The following SEZ6L variants were observed in gnomAD, a reference collection of about 807,000 sequenced individuals.
SEZ6L encodes seizure 6-like protein.
In SEZ6L, 37 loss-of-function variants were observed where a neutral mutation model predicts 106.2. That is an observed-to-expected ratio of 0.35 (90% CI 0.27 to 0.46). The LOEUF (loss-of-function observed/expected upper bound fraction) is 0.46. Ranked by LOEUF, SEZ6L falls within the 20% of genes least tolerant of loss-of-function variation. SEZ6L has a pLI of 1.00. For missense variants in SEZ6L, 1,172 were observed against 1,332.8 expected (o/e 0.88, Z 1.88); for synonymous variants, 541 against 570.4 (o/e 0.95, Z 0.73).
At chr22:26,292,152 G>A (rs910137103) in intron 1 of SEZ6L, 28 of 421,228 alleles carry the variant, frequency 6.6e-5, no homozygotes, top group Admixed American at 1.2e-4. Flanking sequence ...AAGAAAGGAA[G>A]GAAGGAAGGA....
At chr22:26,240,245 T>G (rs1292216639) in intron 1 of SEZ6L, among the ~76,000 whole-genome samples, 1 of 152,032 alleles carries the variant, frequency 6.6e-6, no homozygotes, top group Non-Finnish European at 1.5e-5. Context: ...TGTGTTTGAC[T>G]TTTTTTCAAA....
At chr22:26,319,679 C>G (rs1017601520) in intron 9 of SEZ6L, among the ~76,000 whole-genome samples, 1 of 152,216 alleles carries the variant, frequency 6.6e-6, no homozygotes, top group Middle Eastern at 3.2e-3. Context: ...CACCACCTAA[C>G]ACACTACGCA....
chr22:26,253,118 C>T (rs929229980), intron 1 of SEZ6L, among the ~76,000 whole-genome samples: 9 of 152,160 alleles, frequency 5.9e-5, no homozygotes, highest in Non-Finnish European at 1.2e-4. Flanking sequence ...TTATTATTCT[C>T]CTCCATTTTA....
chr22:26,203,686 T>C (rs888417039), intron 1 of SEZ6L, among the ~76,000 whole-genome samples: 18 of 152,146 alleles, frequency 1.2e-4, no homozygotes, highest in African/African-American at 4.1e-4. Context: ...TATTACTCCA[T>C]GCTACAGTTA....
At chr22:26,248,322 A>G (rs931843130) in intron 1 of SEZ6L, among the ~76,000 whole-genome samples, 3 of 152,224 alleles carry the variant, frequency 2.0e-5, no homozygotes, top group South Asian at 2.1e-4. Context: ...TGACTTGTAC[A>G]TAAGTGTTTA....
chr22:26,304,412 G>GAAAGAAAGAAAGA (rs1569454471), intron 5 of SEZ6L, among the ~76,000 whole-genome samples: 2 of 141,564 alleles, frequency 1.4e-5, no homozygotes, highest in African/African-American at 5.3e-5. Context: ...AAGAAAGAAA[G>GAAAGAAAGAAAGA]AAAGAAAGAA....
chr22:26,196,861 T>A (rs1328234216), intron 1 of SEZ6L, among the ~76,000 whole-genome samples: 2 of 152,196 alleles, frequency 1.3e-5, no homozygotes, highest in Admixed American at 1.3e-4. Flanking sequence ...CCCAGGTTAC[T>A]GCTTGAGTGA....
rs957830388 is a variant in SEZ6L, at chr22:26,202,523, T to C, written c.94+32760T>C. 2.0e-5 allele frequency among the ~76,000 whole-genome samples: 3 copies of C among 152,172 alleles called. No individual in the cohort carries two copies. The East Asian group carries it at 5.8e-4, about 29-fold the overall frequency. ...TGGATGAGAGGGCTACCCAGCTTCC[T>C]CCCCAAAACTCTCCCTTGAGGACAC... On this transcript the variant is annotated intron_variant, in intron 1 of 16. Coordinates refer to ENST00000248933, the MANE Select transcript of SEZ6L (RefSeq NM_021115.5).
At position 26,347,922 on chromosome 22, in the gene SEZ6L, G is replaced by T. The variant is rs1033426800; in HGVS notation, c.2407+9G>T. 3 of 1,553,566 alleles carry T rather than the reference G, an allele frequency of 1.9e-6. No individual in the cohort carries two copies. The highest frequency in any genetic ancestry group is 1.4e-5 in the African/African-American group (1 of 71,194). On this transcript the variant is annotated intron_variant, in intron 11 of 16. Coordinates refer to ENST00000248933, the MANE Select transcript of SEZ6L (RefSeq NM_021115.5). ...CCCATTTTGTGAGAAAAGTAAGAGTGGTCTTGTTTCCTTCCTCTAGGTCCC... is the reference window on the plus strand; with the variant it reads ...CCCATTTTGTGAGAAAAGTAAGAGTTGTCTTGTTTCCTTCCTCTAGGTCCC...
chr22:26,299,057 T>A lies in SEZ6L; in HGVS notation c.1236T>A (p.Gly412=), dbSNP rs764847352. Reference sequence around the variant, plus strand: ...TCACGGTGATGGACCTGCACTCAGGTGGGGTGGCCCACTTTCACTGCCACC... The same window carrying A: ...TCACGGTGATGGACCTGCACTCAGGAGGGGTGGCCCACTTTCACTGCCACC... ...GDVTVMDLHS[G]GVAHFHCHLG... Residue 412 remains glycine, a synonymous_variant, in exon 5 of 17, where the codon GGT becomes GGA. Coordinates refer to ENST00000248933, the MANE Select transcript of SEZ6L (RefSeq NM_021115.5). 11 of 1,607,966 alleles carry A rather than the reference T, an allele frequency of 6.8e-6. No homozygotes were observed. In the South Asian group the frequency reaches 1.2e-4, roughly 18 times the overall value.
chr22:26,208,743 A>C (rs1941423696), intron 1 of SEZ6L, among the ~76,000 whole-genome samples: 1 of 151,894 alleles, frequency 6.6e-6, no homozygotes, highest in South Asian at 2.1e-4. Context: ...TAACTCCTTG[A>C]TTCTGTAAAT....
At chr22:26,231,556 G>A (rs2078798555) in intron 1 of SEZ6L, among the ~76,000 whole-genome samples, 2 of 152,202 alleles carry the variant, frequency 1.3e-5, no homozygotes, top group South Asian at 4.1e-4. Context: ...TCCAGTGAGA[G>A]TTTGCAGTAG....
In SEZ6L at chr22:26,201,421, T is replaced by C. The variant is rs139598281; in HGVS notation, c.94+31658T>C. Among the ~76,000 whole-genome samples, 463 of 127,538 alleles carry C rather than the reference T, an allele frequency of 3.6e-3. 11 individuals are homozygous for C. In the South Asian group the frequency reaches 0.071, roughly 20 times the overall value. 83.7% of individuals were successfully genotyped at this position (127,538 alleles called of 152,430 possible). On this transcript the variant is annotated intron_variant, in intron 1 of 16. Coordinates refer to ENST00000248933, the MANE Select transcript of SEZ6L (RefSeq NM_021115.5). The stretch of plus-strand genomic sequence containing the variant: ...AAAAAAAAAGAGGAAATTTGCCGGG[T>C]ATGGTGGCTTGTGCCTGTAATCCCA...
At chr22:26,336,421 C>T (rs1379497747) in intron 9 of SEZ6L, among the ~76,000 whole-genome samples, 1 of 152,160 alleles carries the variant, frequency 6.6e-6, no homozygotes, top group African/African-American at 2.4e-5. Context: ...ATTTCCCCAC[C>T]AGTGCTGCCT....
At position 26,292,938 on chromosome 22, in the gene SEZ6L, C is replaced by G. The variant is rs1266100652; in HGVS notation, c.627C>G (p.Pro209=). ...AAATCTCCCCCTTCACTTCGCAGCC[C>G]TATGTGGCCCACACACTCCCCCAGA... The part of the protein sequence containing the change: ...PLQISPFTSQ[P]YVAHTLPQRP... Residue 209 remains proline, a synonymous_variant, in exon 2 of 17, where the codon CCC becomes CCG. Coordinates refer to ENST00000248933, the MANE Select transcript of SEZ6L (RefSeq NM_021115.5). 6.2e-7 allele frequency: 1 copy of G among 1,614,080 alleles called. No individual in the cohort carries two copies. The highest frequency in any genetic ancestry group is 8.5e-7 in the Non-Finnish European group (1 of 1,180,036).
chr22:26,218,202 C>G (rs936749190), intron 1 of SEZ6L, among the ~76,000 whole-genome samples: 9 of 152,214 alleles, frequency 5.9e-5, no homozygotes, highest in Admixed American at 5.2e-4. Flanking sequence ...CTTTGCAACC[C>G]TAACCAAAGC....
chr22:26,208,398 C>T (rs1244653987), intron 1 of SEZ6L, among the ~76,000 whole-genome samples: 1 of 152,110 alleles, frequency 6.6e-6, no homozygotes, highest in Admixed American at 6.5e-5. Context: ...TTCTTAGTTA[C>T]TTTTATCTGA....
chr22:26,288,884 G>A (rs1270585524), intron 1 of SEZ6L, among the ~76,000 whole-genome samples: 1 of 152,068 alleles, frequency 6.6e-6, no homozygotes, highest in Non-Finnish European at 1.5e-5. Context: ...AAGGGGTAAT[G>A]TTTGCAAAGG....
chr22:26,201,083 T>C (rs1033196662), intron 1 of SEZ6L, among the ~76,000 whole-genome samples: 3 of 152,090 alleles, frequency 2.0e-5, no homozygotes, highest in Non-Finnish European at 4.4e-5. Flanking sequence ...TCATCTAGGT[T>C]TTGCTCCTCA....
Sources: allele counts gnomAD v4.1 joint callset (sites outside exome capture counted in the v4.1 genomes callset), GRCh38; gene constraint gnomAD v4.1.1; transcripts MANE v1.5; gene names NCBI Gene and HGNC (gene_info 2026-07-23, HGNC 2026-07-21).